The following SLC4A5 variants were observed in gnomAD, a reference collection of about 807,000 sequenced individuals.
SLC4A5 encodes the protein solute carrier family 4 member 5, also known as electrogenic sodium bicarbonate cotransporter 4.
In SLC4A5, 96 loss-of-function variants were observed where a neutral mutation model predicts 120.4. The ratio of observed to expected loss-of-function variants is 0.80; its 90% confidence interval spans 0.68 to 0.94. The LOEUF (loss-of-function observed/expected upper bound fraction) is 0.94. SLC4A5 is among the 40% of genes least tolerant of loss of function. The pLI is 0.00. For synonymous variants in SLC4A5, 550 were observed against 571.1 expected, an observed-to-expected ratio of 0.96 and a Z score of 0.53; for missense variants, 1,259 against 1,459.5, an observed-to-expected ratio of 0.86 and a Z score of 2.24.
intron 8 of SLC4A5, among the ~76,000 whole-genome samples, chr2:74,273,020 C>A (rs1312521121): frequency 6.6e-6 from 1 of 152,218 alleles, no homozygotes; most frequent in African/African-American, 2.4e-5. Context: ...TCAATGGCTG[C>A]ATTAGGATCA....
At chr2:74,338,518 C>T (rs923760420) in intron 3 of SLC4A5, among the ~76,000 whole-genome samples, 2 of 152,168 alleles carry the variant, frequency 1.3e-5, no homozygotes, top group African/African-American at 4.8e-5. Context: ...ATTTATATAA[C>T]TTTAAAATGG....
chr2:74,255,956 T>C lies in SLC4A5; in HGVS notation c.868-24A>G. The C allele has an allele frequency of 2.5e-6, 4 of 1,611,174 alleles. No individual in the cohort carries two copies. Among genetic ancestry groups the C allele is most frequent in the Admixed American group, 1.7e-5 (1 of 59,928 alleles). On this transcript the variant is annotated intron_variant, in intron 12 of 30. Coordinates refer to ENST00000394019, the Ensembl canonical transcript of SLC4A5. The surrounding 1 kb of genome is among the most constrained non-coding windows in gnomAD (Gnocchi z 4.0). ...CGCTGGACAGGGAGGGGAAACGAGATAGCCAAGGAGACTCCCACCTGCTCT... is the reference window on the plus strand; with the variant it reads ...CGCTGGACAGGGAGGGGAAACGAGACAGCCAAGGAGACTCCCACCTGCTCT...
chr2:74,341,006 C>T (rs560847536), intron 2 of SLC4A5, among the ~76,000 whole-genome samples: 5 of 152,214 alleles, frequency 3.3e-5, no homozygotes, highest in South Asian at 4.1e-4. Context: ...CTAGTCCCAC[C>T]GAATAAATGT....
intron 14 of SLC4A5, among the ~76,000 whole-genome samples, chr2:74,253,700 G>A (rs554276332): frequency 5.9e-5 from 9 of 152,122 alleles, no homozygotes; most frequent in African/African-American, 2.2e-4. Flanking sequence ...TTTTCAATGT[G>A]AAAATGCAAT....
At chr2:74,220,780 T>G (rs891135899) in intron 30 of SLC4A5, among the ~76,000 whole-genome samples, 1 of 150,356 alleles carries the variant, frequency 6.7e-6, no homozygotes, top group Non-Finnish European at 1.5e-5. Flanking sequence ...CCTCCCAAAG[T>G]GCTGGGACTA....
chr2:74,262,189 G>T (rs1425141819), exon 11 of SLC4A5: 42 of 1,613,904 alleles, frequency 2.6e-5, no homozygotes, highest in Non-Finnish European at 3.4e-5. Context: ...CCGTGGAGTG[G>T]TGTAGACTCG....
intron 28 of SLC4A5, 108 bp downstream of exon 28, chr2:74,224,732 G>T: frequency 6.8e-7 from 1 of 1,473,732 alleles, no homozygotes; most frequent in Non-Finnish European, 9.1e-7. Context: ...ACTGGGCCGA[G>T]GCACTGCTGC....
intron 7 of SLC4A5, among the ~76,000 whole-genome samples, chr2:74,295,544 G>A (rs1175291198): frequency 6.6e-6 from 1 of 152,084 alleles, no homozygotes; most frequent in Non-Finnish European, 1.5e-5. Flanking sequence ...AGAGGCAAGA[G>A]AATTGCTTGA....
chr2:74,257,761 C>T (rs376299408), intron 12 of SLC4A5, among the ~76,000 whole-genome samples: 3 of 152,048 alleles, frequency 2.0e-5, no homozygotes, highest in South Asian at 2.1e-4. Context: ...TATTTTTGAT[C>T]GAGATAGGGT....
intron 8 of SLC4A5, among the ~76,000 whole-genome samples, chr2:74,277,211 C>G (rs960144973): frequency 6.6e-6 from 1 of 152,148 alleles, no homozygotes; most frequent in Non-Finnish European, 1.5e-5. Context: ...GCTGTGGGAG[C>G]CAGAGATGGA....
rs1672572951 is a variant in SLC4A5 at position 74,304,412 on chromosome 2, T to TC, written c.271+76dup. ...AGCGTTACCCACATTCTCCAGAAAA[T>TC]CCCCCCTGCCCTGCTGGGTCCCATC... On this transcript the variant is annotated intron_variant, in intron 7 of 30. Coordinates refer to ENST00000394019, the Ensembl canonical transcript of SLC4A5. 1.1e-5 allele frequency: 15 copies of TC among 1,403,196 alleles called. No individual in the cohort carries two copies. The South Asian group carries it at 2.1e-4, about 20-fold the overall frequency. The allele number at this position is 1,403,196 out of a possible 1,614,324, so 86.9% of individuals were successfully genotyped here.
chr2:74,304,743 T>C, intron 6 of SLC4A5, 63 bp from the exon 7 acceptor site: 1 of 1,503,172 alleles, frequency 6.7e-7, no homozygotes, highest in Non-Finnish European at 9.1e-7. Flanking sequence ...TTTTTCATAA[T>C]ATTCATCAGT....
chr2:74,265,032 G>T, intron 9 of SLC4A5, 72 bp downstream of exon 9: 1 of 1,507,086 alleles, frequency 6.6e-7, no homozygotes, highest in Non-Finnish European at 9.0e-7. Context: ...TTGAGGGCAG[G>T]CATGAGGTCA....
At chr2:74,235,794 C>T (rs1040081350) in intron 21 of SLC4A5, among the ~76,000 whole-genome samples, 2 of 152,132 alleles carry the variant, frequency 1.3e-5, no homozygotes, top group Non-Finnish European at 2.9e-5. Context: ...AGGTTCTGAA[C>T]CTGGAGGCCC....
chr2:74,341,880 C>G (rs1221460959), intron 2 of SLC4A5, among the ~76,000 whole-genome samples: 2 of 152,156 alleles, frequency 1.3e-5, no homozygotes, highest in Admixed American at 1.3e-4. Context: ...GGGACTCCGC[C>G]CAACCCAGCT....
intron 6 of SLC4A5, among the ~76,000 whole-genome samples, chr2:74,308,964 G>A (rs991829315): frequency 6.6e-6 from 1 of 151,586 alleles, no homozygotes; most frequent in African/African-American, 2.4e-5. Flanking sequence ...ATCCAGACTG[G>A]AGTGCAGTGG....
chr2:74,241,146 G>A (rs1670427324), intron 20 of SLC4A5, among the ~76,000 whole-genome samples: 1 of 152,046 alleles, frequency 6.6e-6, no homozygotes, highest in Non-Finnish European at 1.5e-5. Context: ...GGCAGAAAGA[G>A]AAGGAAGAAG....
At chr2:74,333,021 T>C (rs987243263) in intron 4 of SLC4A5, among the ~76,000 whole-genome samples, 1 of 152,170 alleles carries the variant, frequency 6.6e-6, no homozygotes, top group African/African-American at 2.4e-5. Flanking sequence ...TGGTAACAGC[T>C]GAGGCTCATG....
At chr2:74,264,433 T>C (rs1299636550) in intron 9 of SLC4A5, 134 bp from the exon 10 acceptor site, 3 of 1,044,822 alleles carry the variant, frequency 2.9e-6, no homozygotes, top group Non-Finnish European at 4.0e-6. Flanking sequence ...GCTTTGCCAC[T>C]AGCTGTGGAA....
Sources: allele counts gnomAD v4.1 joint callset (sites outside exome capture counted in the v4.1 genomes callset), GRCh38; gene constraint gnomAD v4.1.1; non-coding constraint Gnocchi (gnomAD v3.1); transcripts MANE v1.5; gene names NCBI Gene and HGNC (gene_info 2026-07-23, HGNC 2026-07-21).